The following FNTB variants were observed in gnomAD, a reference collection of about 807,000 sequenced individuals.
FNTB encodes protein farnesyltransferase subunit beta.
FNTB carries 27 observed loss-of-function variants against 59.4 expected under a neutral mutation model. The observed-to-expected ratio is 0.45, with a 90% confidence interval of 0.34 to 0.63. The LOEUF is 0.63. FNTB is among the 20% of genes least tolerant of loss of function. The pLI, the probability that FNTB is intolerant of heterozygous loss-of-function variation, is 0.02. For synonymous variants in FNTB, 230 were observed against 220.7 expected (o/e 1.04, Z -0.37); for missense variants, 449 against 559.6 (o/e 0.80, Z 1.99).
At chr14:64,989,445 A>G (rs767982200) in intron 1 of FNTB, among the ~76,000 whole-genome samples, 69 of 152,098 alleles carry the variant, frequency 4.5e-4, no homozygotes, top group Non-Finnish European at 7.8e-4. Flanking sequence ...TGTCTCTTAA[A>G]ACAAAAAACG....
chr14:65,043,682 C>T (rs577531017), intron 8 of FNTB, among the ~76,000 whole-genome samples: 107 of 151,150 alleles, frequency 7.1e-4, no homozygotes, highest in Middle Eastern at 3.5e-3. Flanking sequence ...ATTAGCCGGG[C>T]GCGGTGGCGG....
intron 4 of FNTB, among the ~76,000 whole-genome samples, chr14:65,017,652 A>C (rs542269098): frequency 1.3e-5 from 2 of 152,336 alleles, no homozygotes; most frequent in African/African-American, 4.8e-5. Context: ...AATGTTTAAA[A>C]AAAATTTTTT....
chr14:64,989,974 G>T (rs1888127671), intron 1 of FNTB, among the ~76,000 whole-genome samples: 1 of 152,054 alleles, frequency 6.6e-6, no homozygotes, highest in African/African-American at 2.4e-5. Flanking sequence ...GTGTTAAGGG[G>T]AACCCTCTGG....
At chr14:64,998,972 A>G (rs1365617199) in intron 1 of FNTB, among the ~76,000 whole-genome samples, 2 of 152,268 alleles carry the variant, frequency 1.3e-5, no homozygotes, top group Non-Finnish European at 2.9e-5. Context: ...ACACAGTGGA[A>G]TATTATTTGG....
In FNTB at chr14:65,029,155, C is replaced by T. The variant is rs1360027547; in HGVS notation, c.605+1374C>T. On this transcript the variant is annotated intron_variant, in intron 6 of 11. Coordinates refer to ENST00000246166, the MANE Select transcript of FNTB (RefSeq NM_002028.4). The surrounding 1 kb of genome is among the most constrained non-coding windows in gnomAD (Gnocchi z 4.7). The stretch of plus-strand genomic sequence containing the variant: ...GCTCTTTGGGTGATGCTCTGCCATT[C>T]GTGCCCGTGCTTTCTATTTACATAA... 6.6e-6 allele frequency among the ~76,000 whole-genome samples: 1 copy of T among 152,154 alleles called. No individual in the cohort carries two copies. The highest frequency in any genetic ancestry group is 1.5e-5 in the Non-Finnish European group (1 of 68,036).
At chr14:65,026,954 A>G (rs893516439) in intron 4 of FNTB, among the ~76,000 whole-genome samples, 2 of 152,038 alleles carry the variant, frequency 1.3e-5, no homozygotes, top group African/African-American at 4.8e-5. Flanking sequence ...GAGTGAGAAG[A>G]CCTCTATTTA....
At chr14:65,053,559 A>G (rs1255149916) in intron 10 of FNTB, among the ~76,000 whole-genome samples, 16 of 150,718 alleles carry the variant, frequency 1.1e-4, no homozygotes, top group Non-Finnish European at 2.2e-4. Context: ...CTTGTCCCCC[A>G]GCCTGCATGC....
At chr14:65,056,641 A>G (rs185288000) in intron 11 of FNTB, among the ~76,000 whole-genome samples, 1 of 152,256 alleles carries the variant, frequency 6.6e-6, no homozygotes, top group Admixed American at 6.5e-5. Context: ...ATTGTCTGCC[A>G]GTTCATATTC....
intron 9 of FNTB, among the ~76,000 whole-genome samples, chr14:65,049,294 C>T (rs1191839135): frequency 6.6e-6 from 1 of 152,138 alleles, no homozygotes; most frequent in Non-Finnish European, 1.5e-5. Context: ...CTGGAATTTT[C>T]TTGCCTACCT....
At chr14:65,022,258 T>C in intron 4 of FNTB, 1 of 327,614 alleles carries the variant, frequency 3.1e-6, no homozygotes. Context: ...ACTGTTCCTA[T>C]TTCCAAAGCT....
At chr14:65,022,376 G>A (rs1276327420) in intron 4 of FNTB, among the ~76,000 whole-genome samples, 1 of 151,306 alleles carries the variant, frequency 6.6e-6, no homozygotes, top group Non-Finnish European at 1.5e-5. Context: ...TGATAGCCTA[G>A]TCTAGTGCTG....
chr14:65,008,291 T>TG (rs989305288), intron 2 of FNTB, among the ~76,000 whole-genome samples: 2 of 152,120 alleles, frequency 1.3e-5, no homozygotes, highest in Non-Finnish European at 2.9e-5. Context: ...GGCCCAGGTT[T>TG]GGGGGGAGGA....
chr14:65,051,655 G>A (rs1043522032), intron 9 of FNTB, among the ~76,000 whole-genome samples: 1 of 151,256 alleles, frequency 6.6e-6, no homozygotes, highest in African/African-American at 2.4e-5. Flanking sequence ...TTAATATTTT[G>A]CTTCAATCTC....
At chr14:64,996,354 T>C (rs1331927096) in intron 1 of FNTB, among the ~76,000 whole-genome samples, 1 of 152,166 alleles carries the variant, frequency 6.6e-6, no homozygotes, top group African/African-American at 2.4e-5. Context: ...ACATCTAGCC[T>C]GTGCCCTGTC....
chr14:65,016,514 G>T (rs2061775885), intron 4 of FNTB: 1 of 152,238 alleles, frequency 6.6e-6, no homozygotes, highest in Admixed American at 6.5e-5. Flanking sequence ...TGGGATGAGA[G>T]ACTTCTGAGC....
chr14:65,040,686 C>T, intron 7 of FNTB, 104 bp from the exon 8 acceptor site: 1 of 1,217,772 alleles, frequency 8.2e-7, no homozygotes. Context: ...TGATGGTTCA[C>T]ACCTTAATCT....
intron 1 of FNTB, among the ~76,000 whole-genome samples, chr14:65,002,248 A>T (rs1187962764): frequency 6.6e-6 from 1 of 152,248 alleles, no homozygotes; most frequent in Non-Finnish European, 1.5e-5. Context: ...TACCTTGTAT[A>T]CAGGAGCTCT....
intron 7 of FNTB, among the ~76,000 whole-genome samples, chr14:65,039,945 T>A (rs1272571444): frequency 6.6e-6 from 1 of 152,116 alleles, no homozygotes. Flanking sequence ...TCCCAACGCT[T>A]TGGGATGCTG....
chr14:65,040,155 C>T (rs2139622123), intron 7 of FNTB, among the ~76,000 whole-genome samples: 1 of 152,030 alleles, frequency 6.6e-6, no homozygotes, highest in East Asian at 1.9e-4. Context: ...TGCAGTCAAC[C>T]TAGGTAACAG....
Sources: gnomAD v4.1 joint callset for allele counts (sites outside exome capture counted in the v4.1 genomes callset) on GRCh38, gnomAD v4.1.1 for gene constraint, Gnocchi (gnomAD v3.1) non-coding constraint, MANE v1.5 for transcripts, NCBI Gene and HGNC (gene_info 2026-07-23, HGNC 2026-07-21) for gene names.